THADA: variants seen among roughly 807,000 people sequenced by gnomAD.
THADA encodes THADA armadillo repeat containing.
A neutral mutation model predicts 219.8 loss-of-function variants in THADA; 213 were observed. The ratio of observed to expected loss-of-function variants is 0.97; its 90% CI spans 0.87 to 1.09. THADA has a LOEUF of 1.09. Ranked by LOEUF, THADA falls within the 50% of genes least tolerant of loss-of-function variation. The pLI is 0.00. For missense variants in THADA, 2,956 were observed against 2,311.3 expected (o/e 1.28, Z -5.72); for synonymous variants, 1,018 against 828.9 (o/e 1.23, Z -3.92).
chr2:43,284,951 G>A (rs1337516036), intron 35 of THADA, among the ~76,000 whole-genome samples: 1 of 152,222 alleles, frequency 6.6e-6, no homozygotes, highest in African/African-American at 2.4e-5. Flanking sequence ...TTTTGAACTT[G>A]CATGGGGCCC....
At chr2:43,279,518 G>C (rs1394122793) in intron 36 of THADA, among the ~76,000 whole-genome samples, 1 of 152,126 alleles carries the variant, frequency 6.6e-6, no homozygotes, top group Non-Finnish European at 1.5e-5. Context: ...CTACAGCAGG[G>C]GTCAGCAAAC....
chr2:43,396,644 T>C (rs1487379768), intron 29 of THADA, among the ~76,000 whole-genome samples: 2 of 151,410 alleles, frequency 1.3e-5, no homozygotes, highest in African/African-American at 4.9e-5. Flanking sequence ...CTACTAAAAA[T>C]ACAAAAATTA....
At chr2:43,498,279 T>G (rs1208936290) in intron 25 of THADA, among the ~76,000 whole-genome samples, 1 of 152,028 alleles carries the variant, frequency 6.6e-6, no homozygotes, top group East Asian at 1.9e-4. Context: ...CTGCTCGGGA[T>G]GATGAAAATG....
intron 9 of THADA, 82 bp downstream of exon 9, chr2:43,578,431 G>A: frequency 9.8e-7 from 1 of 1,024,736 alleles, no homozygotes; most frequent in Non-Finnish European, 1.4e-6. Flanking sequence ...ATAAGTGTGA[G>A]CCACTGCACC....
intron 31 of THADA, among the ~76,000 whole-genome samples, chr2:43,299,706 T>G (rs1318923078): frequency 6.6e-6 from 1 of 150,992 alleles, no homozygotes; most frequent in East Asian, 2.0e-4. Flanking sequence ...ACAAAATGTT[T>G]AGTGTCCTAA....
At chr2:43,555,172 CT>C (rs750144220) in intron 17 of THADA, among the ~76,000 whole-genome samples, 7 of 151,576 alleles carry the variant, frequency 4.6e-5, no homozygotes, top group African/African-American at 7.3e-5. Flanking sequence ...GTAAGTACTA[CT>C]GAGAAAATTC....
At chr2:43,408,785 T>C (rs1161095259) in intron 28 of THADA, among the ~76,000 whole-genome samples, 1 of 152,230 alleles carries the variant, frequency 6.6e-6, no homozygotes, top group Admixed American at 6.5e-5. Context: ...ATCTTTTTTA[T>C]TTTAAAATAT....
At chr2:43,533,502 A>G (rs1336585942) in intron 21 of THADA, among the ~76,000 whole-genome samples, 2 of 152,260 alleles carry the variant, frequency 1.3e-5, no homozygotes, top group Non-Finnish European at 2.9e-5. Flanking sequence ...ATGCCCATCA[A>G]TGATAGACTG....
At chr2:43,273,270 C>CAA (rs978782406) in intron 36 of THADA, among the ~76,000 whole-genome samples, 8 of 115,928 alleles carry the variant, frequency 6.9e-5, no homozygotes, top group African/African-American at 1.3e-4. Context: ...ACAACAACAA[C>CAA]AAAAAAAAAA....
chr2:43,577,032 A>C lies in THADA; in HGVS notation c.1027T>G (p.Leu343Val), dbSNP rs771805446. The change falls in exon 10 of 38, where the codon TTG becomes GTG. Residue 343 changes from leucine (L) to valine (V), a missense_variant. Coordinates refer to ENST00000405975, the MANE Select transcript of THADA (RefSeq NM_022065.5). The stretch of plus-strand genomic sequence containing the variant: ...AGCATCAAAACTCACTGTGAACTCA[A>C]GGTGAACAAAACATGTGCAGTATCC... ...LLDTAHVLFTLSSQIKEPTLE... is the reference protein window; with the variant it reads ...LLDTAHVLFTVSSQIKEPTLE... 2.9e-5 allele frequency: 46 copies of C among 1,612,550 alleles called. No individual in the cohort carries two copies. Among genetic ancestry groups the C allele is most frequent in the Non-Finnish European group, 3.8e-5 (45 of 1,179,286 alleles).
chr2:43,300,874 G>T (rs1052990902), intron 31 of THADA, among the ~76,000 whole-genome samples: 1 of 152,170 alleles, frequency 6.6e-6, no homozygotes, highest in African/African-American at 2.4e-5. Flanking sequence ...CTGCTGCCTC[G>T]ACCTCACCCC....
chr2:43,264,410 C>G (rs1399228161), intron 36 of THADA, among the ~76,000 whole-genome samples: 3 of 151,974 alleles, frequency 2.0e-5, no homozygotes, highest in East Asian at 1.9e-4. Context: ...CTCAGCCTCC[C>G]GAGTAGCTGG....
At chr2:43,412,561 C>A (rs959131670) in intron 28 of THADA, among the ~76,000 whole-genome samples, 1 of 152,124 alleles carries the variant, frequency 6.6e-6, no homozygotes, top group Non-Finnish European at 1.5e-5. Context: ...ATCTGTATCA[C>A]CAGTTCATAC....
intron 21 of THADA, among the ~76,000 whole-genome samples, chr2:43,540,908 A>C (rs1262143884): frequency 6.6e-6 from 1 of 152,196 alleles, no homozygotes; most frequent in East Asian, 1.9e-4. Flanking sequence ...TTAGAGATAA[A>C]ACTACAGTTA....
chr2:43,455,269 TCA>T (rs1487941976), intron 26 of THADA, among the ~76,000 whole-genome samples: 1 of 152,202 alleles, frequency 6.6e-6, no homozygotes, highest in East Asian at 1.9e-4. Flanking sequence ...TCCTTCTTAT[TCA>T]CAGATTGCTC....
chr2:43,497,988 A>C (rs1007752331), intron 25 of THADA, among the ~76,000 whole-genome samples: 1 of 152,166 alleles, frequency 6.6e-6, no homozygotes, highest in African/African-American at 2.4e-5. Flanking sequence ...CACATTCTAC[A>C]CATGTATCCT....
chr2:43,417,580 G>A (rs902879213), intron 28 of THADA, among the ~76,000 whole-genome samples: 1 of 152,274 alleles, frequency 6.6e-6, no homozygotes, highest in Non-Finnish European at 1.5e-5. Context: ...AATGCCCAAG[G>A]GGGGAAATAT....
At chr2:43,234,428 C>T (rs774036045) in intron 36 of THADA, among the ~76,000 whole-genome samples, 1 of 152,168 alleles carries the variant, frequency 6.6e-6, no homozygotes, top group Non-Finnish European at 1.5e-5. Context: ...CCCCGTTCCC[C>T]ATGCTGCTTG....
intron 26 of THADA, among the ~76,000 whole-genome samples, chr2:43,455,460 C>T (rs1040538588): frequency 2.6e-5 from 4 of 151,706 alleles, no homozygotes; most frequent in Admixed American, 1.3e-4. Flanking sequence ...TACTTCTGTC[C>T]GTCATACAAA....
Sources: gnomAD v4.1 joint callset for allele counts (sites outside exome capture counted in the v4.1 genomes callset) on GRCh38, gnomAD v4.1.1 for gene constraint, MANE v1.5 for transcripts, NCBI Gene and HGNC (gene_info 2026-07-23, HGNC 2026-07-21) for gene names.